KAZN: variants seen among roughly 807,000 people sequenced by gnomAD.
The protein encoded by KAZN is kazrin, periplakin interacting protein, also known as kazrin.
A neutral mutation model predicts 87.4 loss-of-function variants in KAZN; 40 were observed. The observed-to-expected ratio is 0.46, with a 90% CI of 0.36 to 0.60. The LOEUF (loss-of-function observed/expected upper bound fraction) is 0.60, where lower values mean the gene tolerates loss of function less well. KAZN is among the 20% of genes least tolerant of loss of function. KAZN has a pLI of 0.00. For missense variants in KAZN, 898 were observed against 1,073.9 expected, an observed-to-expected ratio of 0.84 and a Z score of 2.29; for synonymous variants, 466 against 458.3, an observed-to-expected ratio of 1.02 and a Z score of -0.22.
At chr1:14,214,878 A>G (rs1646927970) in intron 2 of KAZN, among the ~76,000 whole-genome samples, 1 of 152,248 alleles carries the variant, frequency 6.6e-6, no homozygotes, top group Non-Finnish European at 1.5e-5. Flanking sequence ...TAGAAGACAC[A>G]GCCCCTATCC....
At chr1:14,702,905 C>A (rs1642012376) in intron 1 of KAZN, among the ~76,000 whole-genome samples, 1 of 152,184 alleles carries the variant, frequency 6.6e-6, no homozygotes, top group African/African-American at 2.4e-5. Flanking sequence ...AACCCACTAT[C>A]CCCCTCCATT....
chr1:14,846,701 T>C (rs894207895), intron 1 of KAZN, among the ~76,000 whole-genome samples: 2 of 152,160 alleles, frequency 1.3e-5, no homozygotes, highest in Admixed American at 1.3e-4. Context: ...GGGGGAGTTA[T>C]CATCCTCATT....
chr1:14,942,514 C>T (rs547316121), intron 1 of KAZN, among the ~76,000 whole-genome samples: 3 of 152,320 alleles, frequency 2.0e-5, no homozygotes, highest in South Asian at 2.1e-4. Flanking sequence ...ATTCAAGCTG[C>T]GCACTTTGAT....
intron 1 of KAZN, 134 bp from the exon 2 acceptor site, chr1:14,960,550 C>T (rs539717777): frequency 3.1e-4 from 268 of 876,992 alleles, no homozygotes; most frequent in Non-Finnish European, 4.4e-4. Flanking sequence ...GCAGTGGCCT[C>T]CCTTCACACA....
chr1:14,732,287 T>C (rs1431439021), intron 1 of KAZN, among the ~76,000 whole-genome samples: 6 of 151,950 alleles, frequency 3.9e-5, no homozygotes, highest in Admixed American at 1.3e-4. Flanking sequence ...GGTTGGAGGA[T>C]TGGTGCAGTC....
rs548916366 is a variant in KAZN, at chr1:14,934,395, C to T, written c.227-26289C>T. Among the ~76,000 whole-genome samples, 8 of 151,824 alleles carry T rather than the reference C, an allele frequency of 5.3e-5. No individual in the cohort carries two copies. In the East Asian group the frequency reaches 9.7e-4, roughly 18 times the overall value. On this transcript the variant is annotated intron_variant, in intron 1 of 14. Coordinates refer to ENST00000376030, the MANE Select transcript of KAZN (RefSeq NM_201628.3). ...CTAATTTTTGTATTTTTAGTAGAGA[C>T]GGGGTTTCACCATCTTGGCCAGACT...
chr1:14,205,901 A>AAAAAAAAAAAAAAAAAAAC (rs1557559778), intron 2 of KAZN, among the ~76,000 whole-genome samples: 1 of 57,710 alleles, frequency 1.7e-5, no homozygotes, highest in Admixed American at 2.3e-4. Context: ...AAAAAAAAAA[A>AAAAAAAAAAAAAAAAAAAC]AAAAAGCTAC....
chr1:14,139,947 G>A lies in KAZN; in HGVS notation c.92-40488G>A, dbSNP rs1203013718. ...GGTAAATGTGTGTGTGTGTGTGTGT[G>A]TGTGTGTGTGTGTGTGTGTGTGGTA... On this transcript the variant is annotated intron_variant, in intron 1 of 16. Transcript: ENST00000636203. Among the ~76,000 whole-genome samples the A allele has an allele frequency of 8.1e-3, 428 of 53,110 alleles. 1 individual carries two copies. In the East Asian group the frequency reaches 0.1, roughly 12 times the overall value. The allele number at this position is 53,110 out of a possible 152,430, so 34.8% of individuals were successfully genotyped here.
Position 15,101,759 on chromosome 1 carries a change from G to T in KAZN, c.1764G>T (p.Val588=). Residue 588 remains valine, a synonymous_variant, in exon 11 of 15, where the codon GTG becomes GTT. Coordinates refer to ENST00000376030, the MANE Select transcript of KAZN (RefSeq NM_201628.3). ...TGGGGATCGAGCTGCTGTACCAAGT[G>T]AACTTCAGCAGGGAGGTGAGGACCA... The part of the protein sequence containing the change: ...ILLGIELLYQ[V]NFSREALQER... 6.3e-7 allele frequency: 1 copy of T among 1,578,752 alleles called. No homozygotes were observed. The highest frequency in any genetic ancestry group is 8.6e-7 in the Non-Finnish European group (1 of 1,161,896).
chr1:14,991,841 C>T (rs978261942), intron 2 of KAZN, among the ~76,000 whole-genome samples: 1 of 152,246 alleles, frequency 6.6e-6, no homozygotes, highest in Non-Finnish European at 1.5e-5. Flanking sequence ...ATGCTCTAAA[C>T]CCCTGACTTC....
Position 14,773,388 on chromosome 1 carries a change from C to T in KAZN, c.226+174165C>T, listed in dbSNP as rs1472605373. ...TTGCTTCAAATGGCTTTCAACAACG[C>T]CCTCCACTCCACGGGGTCTCCCTTC... On this transcript the variant is annotated intron_variant, in intron 1 of 14. Transcript: ENST00000376030. This position sits in a 1 kb window ranked among gnomAD's most constrained non-coding sequence, Gnocchi z 5.9. 6.6e-6 allele frequency among the ~76,000 whole-genome samples: 1 copy of T among 152,138 alleles called. No homozygotes were observed. The highest frequency in any genetic ancestry group is 1.9e-4 in the East Asian group (1 of 5,164).
rs765508562 is a variant in KAZN at position 14,655,724 on chromosome 1, G to C, written c.226+56501G>C. ...GTTTTCCAGAAAGGAAAAGCCTCTC[G>C]AACTTTTGCATCTACCGAATAATTC... On this transcript the variant is annotated intron_variant, in intron 1 of 14. Transcript: ENST00000376030. Among the ~76,000 whole-genome samples, 64 of 152,184 alleles carry C rather than the reference G, an allele frequency of 4.2e-4. 5 individuals are homozygous for C.
At chr1:14,178,063 A>G (rs1175138364) in intron 1 of KAZN, among the ~76,000 whole-genome samples, 1 of 152,058 alleles carries the variant, frequency 6.6e-6, no homozygotes, top group Admixed American at 6.6e-5. Flanking sequence ...TTCTTATGAT[A>G]ATGAGTGAGT....
chr1:14,666,991 C>T (rs1296255929), intron 1 of KAZN, among the ~76,000 whole-genome samples: 1 of 152,180 alleles, frequency 6.6e-6, no homozygotes, highest in East Asian at 1.9e-4. Flanking sequence ...ACTTCGGCCT[C>T]CCAACCTGTC....
At chr1:15,007,642 TCCCTTCCTG>T (rs747311596) in intron 2 of KAZN, among the ~76,000 whole-genome samples, 36 of 152,092 alleles carry the variant, frequency 2.4e-4, no homozygotes, top group Admixed American at 5.2e-4. Flanking sequence ...TCCCCTTCCT[TCCCTTCCTG>T]GTTTCTGCTC....
At chr1:15,114,329 T>A (rs1641763889) in intron 14 of KAZN, 142 bp from the exon 15 acceptor site, 1 of 680,966 alleles carries the variant, frequency 1.5e-6, no homozygotes, top group Non-Finnish European at 2.5e-6. Context: ...CAGGGAGTAT[T>A]ATTACTAATA....
intron 2 of KAZN, among the ~76,000 whole-genome samples, chr1:14,591,448 C>T (rs1572000604): frequency 1.3e-5 from 2 of 151,750 alleles, no homozygotes; most frequent in Middle Eastern, 3.4e-3. Context: ...CACACACACA[C>T]ACCAAGAAAG....
At chr1:14,489,310 C>T (rs1390454214) in intron 2 of KAZN, among the ~76,000 whole-genome samples, 1 of 151,980 alleles carries the variant, frequency 6.6e-6, no homozygotes, top group African/African-American at 2.4e-5. Context: ...GTATCTGTAT[C>T]TATATAAATT....
chr1:15,109,637 ATGTGTGTT>A (rs1557805216), intron 13 of KAZN, among the ~76,000 whole-genome samples: 6 of 128,828 alleles, frequency 4.7e-5, no homozygotes, highest in Admixed American at 1.7e-4. Flanking sequence ...ATATATGTGT[ATGTGTGTT>A]TGTATGTTTG....
Sources: allele counts gnomAD v4.1 joint callset (sites outside exome capture counted in the v4.1 genomes callset), GRCh38; gene constraint gnomAD v4.1.1; non-coding constraint Gnocchi (gnomAD v3.1); transcripts MANE v1.5; gene names NCBI Gene and HGNC (gene_info 2026-07-23, HGNC 2026-07-21).